Variants in RHBDL2 observed in about 807,000 individuals in gnomAD.
The protein encoded by RHBDL2 is rhomboid-related protein 2.
RHBDL2 carries 26 observed loss-of-function variants against 31.7 expected under a neutral mutation model. That is an observed-to-expected ratio of 0.82 (90% CI 0.60 to 1.14). RHBDL2 has a LOEUF of 1.14. RHBDL2 is among the 50% of genes most tolerant of loss of function. The pLI is 0.00. For missense variants in RHBDL2, 336 were observed against 364.4 expected, an observed-to-expected ratio of 0.92 and a Z score of 0.63; for synonymous variants, 123 against 127.2, an observed-to-expected ratio of 0.97 and a Z score of 0.22.
At position 38,886,665 on chromosome 1, in the gene RHBDL2, T is replaced by C. The variant is rs146033566; in HGVS notation, c.751A>G (p.Ile251Val). The change falls in exon 8 of 8, where the codon ATT (isoleucine) becomes GTT (valine). Residue 251 changes from isoleucine to valine, a missense_variant. Physicochemically the swap from Ile to Val is conservative, Grantham distance 29. Coordinates refer to ENST00000372990, the MANE Select transcript of RHBDL2 (RefSeq NM_017821.5). ...GACATTCCAGCAAATCCACCTGCAA[T>C]GTGAGCTGCAAAAGACACCTTGGGA... Reference protein sequence around the residue: ...DGSPVSFAAHIAGGFAGMSIG... With the variant: ...DGSPVSFAAHVAGGFAGMSIG... 53 of 1,562,568 alleles carry C rather than the reference T, an allele frequency of 3.4e-5. No individual in the cohort carries two copies. The Middle Eastern group carries it at 1.9e-3, about 55-fold the overall frequency.
At chr1:38,923,802 A>G (rs1002550551) in intron 1 of RHBDL2, among the ~76,000 whole-genome samples, 1 of 152,138 alleles carries the variant, frequency 6.6e-6, no homozygotes, top group Non-Finnish European at 1.5e-5. Context: ...CTTACTCACT[A>G]AGCAAACCTC....
At chr1:38,923,071 C>T (rs1369813444) in intron 1 of RHBDL2, among the ~76,000 whole-genome samples, 1 of 149,762 alleles carries the variant, frequency 6.7e-6, no homozygotes, top group Non-Finnish European at 1.5e-5. Context: ...CCCTGGGCGA[C>T]AAGAGTGAAA....
chr1:38,911,621 T>C (rs1057168436), intron 3 of RHBDL2, among the ~76,000 whole-genome samples, 187 bp from the exon 4 acceptor site: 1 of 111,600 alleles, frequency 9.0e-6, no homozygotes, highest in Admixed American at 9.8e-5. Context: ...TGTGTGTGTG[T>C]GTGTGTGTGT....
chr1:38,907,497 G>A (rs190476156), intron 4 of RHBDL2, among the ~76,000 whole-genome samples: 3 of 152,106 alleles, frequency 2.0e-5, no homozygotes, highest in East Asian at 1.9e-4. Flanking sequence ...CCGAGATCGC[G>A]CCATCGCACT....
In RHBDL2 at chr1:38,897,624, A is replaced by G. The variant is rs549546283; in HGVS notation, c.509-1555T>C. Among the ~76,000 whole-genome samples, 227 of 152,272 alleles carry G rather than the reference A, an allele frequency of 1.5e-3. 1 individual carries two copies. Among genetic ancestry groups the G allele is most frequent in the African/African-American group, 5.0e-3 (209 of 41,564 alleles). On this transcript the variant is annotated intron_variant, in intron 4 of 7. Coordinates refer to ENST00000372990, the MANE Select transcript of RHBDL2 (RefSeq NM_017821.5). ...TTGCTACTCAAGAGGCTGAGCCAAT[A>G]GGATCACTTGAGCCCAGGAGTTTGA...
At chr1:38,899,727 A>G (rs1456488203) in intron 4 of RHBDL2, among the ~76,000 whole-genome samples, 3 of 152,202 alleles carry the variant, frequency 2.0e-5, no homozygotes, top group African/African-American at 7.2e-5. Flanking sequence ...TTGAAAAGCC[A>G]TCAAGGCCAC....
chr1:38,896,938 G>A (rs12087039), intron 4 of RHBDL2, among the ~76,000 whole-genome samples: 3,063 of 152,194 alleles, frequency 0.02, 97 homozygotes, highest in African/African-American at 0.07. Flanking sequence ...ATTTTACAAA[G>A]AGATGAGCAA....
At chr1:38,941,521 G>A (rs1474202592) in intron 1 of RHBDL2, among the ~76,000 whole-genome samples, 161 bp downstream of exon 1, 7 of 151,982 alleles carry the variant, frequency 4.6e-5, no homozygotes, top group East Asian at 1.9e-4. Flanking sequence ...GATCCAAAGC[G>A]GCCACACCAG....
At chr1:38,900,642 C>T (rs952705036) in intron 4 of RHBDL2, among the ~76,000 whole-genome samples, 1 of 151,882 alleles carries the variant, frequency 6.6e-6, no homozygotes, top group African/African-American at 2.4e-5. Flanking sequence ...AAAAGAGTCA[C>T]TTGAACCTGG....
At chr1:38,910,709 C>T (rs1323570810) in intron 4 of RHBDL2, among the ~76,000 whole-genome samples, 3 of 151,460 alleles carry the variant, frequency 2.0e-5, no homozygotes, top group African/African-American at 7.3e-5. Flanking sequence ...TACTCAAATA[C>T]GTACCTGTAC....
chr1:38,932,189 G>A (rs1013123609), intron 1 of RHBDL2, among the ~76,000 whole-genome samples: 30 of 151,782 alleles, frequency 2.0e-4, no homozygotes, highest in African/African-American at 7.3e-4. Context: ...CACAAAAGTA[G>A]GAGTCTCTCT....
At chr1:38,894,580 C>T (rs1337176956) in intron 5 of RHBDL2, among the ~76,000 whole-genome samples, 1 of 151,912 alleles carries the variant, frequency 6.6e-6, no homozygotes, top group East Asian at 1.9e-4. Context: ...CTCAGCCTCC[C>T]AAAGTGCTGG....
rs1302416631 is a variant in RHBDL2 at position 38,886,450 on chromosome 1, T to C, written c.*54A>G. On this transcript the variant is annotated 3_prime_UTR_variant, in exon 8 of 8. Coordinates refer to ENST00000372990, the MANE Select transcript of RHBDL2 (RefSeq NM_017821.5). The stretch of plus-strand genomic sequence containing the variant: ...GTTTCTTCATAGAGTCTTCCTTTTT[T>C]TTTTATTTCCTCCAGATGGCTCTTT... 3 of 1,341,300 alleles carry C rather than the reference T, an allele frequency of 2.2e-6. No homozygotes were observed. Among genetic ancestry groups the C allele is most frequent in the Non-Finnish European group, 3.0e-6 (3 of 1,000,750 alleles). The allele number at this position is 1,341,300 out of a possible 1,614,324, so 83.1% of individuals were successfully genotyped here.
At position 38,887,243 on chromosome 1, in the gene RHBDL2, C is replaced by T. The variant is rs374079821; in HGVS notation, c.733-560G>A. 2.6e-5 allele frequency among the ~76,000 whole-genome samples: 4 copies of T among 152,230 alleles called. 1 individual carries two copies. Among genetic ancestry groups the T allele is most frequent in the African/African-American group, 9.6e-5 (4 of 41,542 alleles). On this transcript the variant is annotated intron_variant, in intron 7 of 7. Coordinates refer to ENST00000372990, the MANE Select transcript of RHBDL2 (RefSeq NM_017821.5). ...TTTGTTTTGTTTTTTGAAATGGGGTCTCAACTCTGTCGCCCAGGCTGGAGT... is the reference window on the plus strand; with the variant it reads ...TTTGTTTTGTTTTTTGAAATGGGGTTTCAACTCTGTCGCCCAGGCTGGAGT...
At chr1:38,896,165 A>G in intron 4 of RHBDL2, 96 bp from the exon 5 acceptor site, 1 of 867,088 alleles carries the variant, frequency 1.2e-6, no homozygotes, top group East Asian at 2.7e-5. Flanking sequence ...AGTCTGGTCT[A>G]TTATCACATT....
chr1:38,919,208 G>A lies in RHBDL2; in HGVS notation c.5C>T (p.Ala2Val). The change falls in exon 2 of 8, where the codon GCT (alanine) becomes GTT (valine). Residue 2 changes from alanine (A) to valine (V), a missense_variant. Physicochemically the swap from Ala to Val is moderately conservative, Grantham distance 64. Transcript: ENST00000372990. ...CTCCATCTCCAGATCATGAACAGCA[G>A]CCATTGTCCTGGGTCCTCCCTCCTC... M[A>V]AVHDLEMESM... The A allele has an allele frequency of 6.2e-7, 1 of 1,614,050 alleles. No individual in the cohort carries two copies.
chr1:38,906,443 G>A (rs758728812), intron 4 of RHBDL2, among the ~76,000 whole-genome samples: 1 of 152,120 alleles, frequency 6.6e-6, no homozygotes, highest in Non-Finnish European at 1.5e-5. Flanking sequence ...GGGAGGCCAA[G>A]GCGGGCAGAT....
intron 4 of RHBDL2, among the ~76,000 whole-genome samples, chr1:38,909,165 A>G (rs998654621): frequency 3.3e-5 from 5 of 152,124 alleles, no homozygotes; most frequent in African/African-American, 9.7e-5. Context: ...TTATAGGCAC[A>G]GGATGGGGGC....
rs770864986 is a variant in RHBDL2 at position 38,919,027 on chromosome 1, G to T, written c.186C>A (p.Tyr62Ter). Residue 62 changes from tyrosine (Y) to a stop codon, truncating the protein, a stop_gained, in exon 2 of 8, where the codon TAC becomes TAA. Transcript: ENST00000372990. LOFTEE classifies it high-confidence loss of function. ...GCGGGAAGCAGTTAGCTCTCTCCAA[G>T]TATGTTCCTCGGGACTTTTCGGGCA... Reference protein sequence around the residue: ...WMLPEKSRGTYLERANCFPPP... With the variant: ...WMLPEKSRGT The T allele has an allele frequency of 6.2e-7, 1 of 1,614,100 alleles. No individual in the cohort carries two copies. Among genetic ancestry groups the T allele is most frequent in the Admixed American group, 1.7e-5 (1 of 59,990 alleles).
Sources: gnomAD v4.1 joint callset for allele counts (sites outside exome capture counted in the v4.1 genomes callset) on GRCh38, gnomAD v4.1.1 for gene constraint, MANE v1.5 for transcripts, NCBI Gene and HGNC (gene_info 2026-07-23, HGNC 2026-07-21) for gene names.